The following SPATA13 variants were observed in gnomAD, a reference collection of about 807,000 sequenced individuals.
The protein encoded by SPATA13 is spermatogenesis associated 13.
Under a neutral mutation model 104.0 loss-of-function variants are expected in SPATA13, and 50 were observed. The ratio of observed to expected loss-of-function variants is 0.48; its 90% CI spans 0.38 to 0.61. The LOEUF (loss-of-function observed/expected upper bound fraction) is 0.61, where lower values mean the gene tolerates loss of function less well. Ranked by LOEUF, SPATA13 falls within the 20% of genes least tolerant of loss-of-function variation. The pLI is 0.00. For missense variants in SPATA13, 1,524 were observed against 1,690.6 expected, an observed-to-expected ratio of 0.90 and a Z score of 1.73; for synonymous variants, 606 against 667.5, an observed-to-expected ratio of 0.91 and a Z score of 1.42.
chr13:24,046,771 C>A (rs1186628468), intron 3 of SPATA13, among the ~76,000 whole-genome samples: 9 of 151,934 alleles, frequency 5.9e-5, no homozygotes, highest in African/African-American at 9.7e-5. Flanking sequence ...TAAACATACA[C>A]CCATTTCTAT....
At chr13:24,129,786 A>G (rs925579109) in intron 3 of SPATA13, among the ~76,000 whole-genome samples, 1 of 152,238 alleles carries the variant, frequency 6.6e-6, no homozygotes, top group Non-Finnish European at 1.5e-5. Context: ...CATGTGGCCA[A>G]AGCCTGCCTC....
chr13:24,217,377 C>T (rs1187678655), intron 1 of SPATA13, among the ~76,000 whole-genome samples: 1 of 152,172 alleles, frequency 6.6e-6, no homozygotes, highest in Non-Finnish European at 1.5e-5. Context: ...CTACAAAGCA[C>T]AGGTCTGCTC....
intron 3 of SPATA13, among the ~76,000 whole-genome samples, chr13:24,082,375 A>G (rs558301605): frequency 1.3e-5 from 2 of 152,336 alleles, no homozygotes; most frequent in East Asian, 3.9e-4. Context: ...TTAAAACAGC[A>G]TAACTAGCTG....
chr13:24,010,257 A>G (rs182069235), intron 2 of SPATA13, among the ~76,000 whole-genome samples: 2 of 152,322 alleles, frequency 1.3e-5, no homozygotes, highest in East Asian at 3.9e-4. Context: ...GCATTTTTAT[A>G]TAAACAGTGG....
intron 11 of SPATA13, 85 bp downstream of exon 11, chr13:24,297,820 C>T: frequency 6.8e-7 from 1 of 1,468,102 alleles, no homozygotes; most frequent in Non-Finnish European, 9.1e-7. Flanking sequence ...CTGCTCTGCC[C>T]AGCCTTCTCC....
intron 2 of SPATA13, among the ~76,000 whole-genome samples, chr13:23,985,976 C>T (rs1223862735): frequency 2.0e-5 from 3 of 152,206 alleles, no homozygotes; most frequent in South Asian, 2.1e-4. Context: ...TCTCCTCACC[C>T]GCGGACCTCA....
chr13:24,121,765 G>A (rs7994320), intron 3 of SPATA13, among the ~76,000 whole-genome samples: 2 of 151,850 alleles, frequency 1.3e-5, no homozygotes, highest in East Asian at 1.9e-4. Context: ...ACATCCCCTC[G>A]TGTTTCAGAT....
intron 4 of SPATA13, among the ~76,000 whole-genome samples, chr13:24,263,552 A>G (rs1874159501): frequency 6.6e-6 from 1 of 152,254 alleles, no homozygotes. Flanking sequence ...ATAATTGCAT[A>G]TAACCCATGC....
intron 3 of SPATA13, among the ~76,000 whole-genome samples, chr13:24,151,869 A>G (rs989816764): frequency 1.3e-5 from 2 of 152,248 alleles, no homozygotes; most frequent in African/African-American, 2.4e-5. Context: ...TAACAGTACT[A>G]AGCAGTATAG....
At chr13:24,116,217 T>C (rs1880831788) in intron 3 of SPATA13, among the ~76,000 whole-genome samples, 2 of 152,266 alleles carry the variant, frequency 1.3e-5, no homozygotes, top group Admixed American at 6.5e-5. Context: ...GCTAAGCTCC[T>C]GCTTTTCATG....
intron 11 of SPATA13, among the ~76,000 whole-genome samples, chr13:24,298,316 C>G (rs777739737): frequency 3.3e-5 from 5 of 152,238 alleles, no homozygotes; most frequent in Non-Finnish European, 7.3e-5. Context: ...GCAGCCTGCC[C>G]TCATGCTTCC....
At chr13:24,284,370 A>G (rs1421324861) in intron 5 of SPATA13, 99 bp downstream of exon 5, 8 of 1,312,282 alleles carry the variant, frequency 6.1e-6, no homozygotes, top group South Asian at 4.6e-5. Flanking sequence ...TTTACTAAGC[A>G]TGTCCGAAAA....
In SPATA13 at chr13:24,096,718, G is replaced by C. The variant is rs183982357; in HGVS notation, c.-112+79017G>C. Among the ~76,000 whole-genome samples the C allele has an allele frequency of 2.7e-3, 409 of 152,262 alleles. 2 individuals are homozygous for C. The highest frequency in any genetic ancestry group is 4.6e-3 in the Non-Finnish European group (314 of 68,022). On this transcript the variant is annotated intron_variant, in intron 3 of 14. Coordinates refer to the SPATA13 transcript ENST00000424834. ...GAGGGGGAGTCACCTAAGAACAGAG[G>C]GGGGACTGGAAAAGAGCATCCCAAG...
At position 24,289,928 on chromosome 13, in the gene SPATA13, G is replaced by A. The variant is rs555505536; in HGVS notation, c.2848-724G>A. On this transcript the variant is annotated intron_variant, in intron 8 of 12. Coordinates refer to ENST00000382108, the MANE Select transcript of SPATA13 (RefSeq NM_001166271.3). ...TAGCTGTCTAGAGTCCTCTGGGGCA[G>A]ATAGATTTTAAGTGGCTGGGCATAA... Among the ~76,000 whole-genome samples, 448 of 152,316 alleles carry A rather than the reference G, an allele frequency of 2.9e-3. 1 individual carries two copies. Among genetic ancestry groups the A allele is most frequent in the Non-Finnish European group, 4.7e-3 (321 of 68,030 alleles).
chr13:24,259,443 A>G (rs981279318), intron 4 of SPATA13, among the ~76,000 whole-genome samples: 3 of 152,204 alleles, frequency 2.0e-5, no homozygotes, highest in African/African-American at 7.2e-5. Flanking sequence ...AAAACGTACC[A>G]AGACATTTTC....
chr13:24,191,134 T>A (rs2265617), intron 1 of SPATA13, among the ~76,000 whole-genome samples: 81,020 of 151,598 alleles, frequency 0.53, 23,060 homozygotes, highest in African/African-American at 0.72. Flanking sequence ...TTAATTAAAT[T>A]AATTAATTAT....
chr13:24,289,525 A>G (rs1593504606), intron 8 of SPATA13, among the ~76,000 whole-genome samples: 1 of 152,244 alleles, frequency 6.6e-6, no homozygotes, highest in East Asian at 1.9e-4. Context: ...CATTTCAGGC[A>G]CTGTTTCCAG....
rs376254629 is a variant in SPATA13, at chr13:24,302,760, C to T, written c.3821C>T (p.Pro1274Leu). The T allele has an allele frequency of 6.2e-7, 1 of 1,614,190 alleles. No homozygotes were observed. Among genetic ancestry groups the T allele is most frequent in the Non-Finnish European group, 8.5e-7 (1 of 1,180,048 alleles). ...TGGCACACCTTCAACAGGCTCACCC[C>T]CTTCCGGAAATGAAAACAGGAGGCT... ...LFWHTFNRLT[P>L]FRK Residue 1274 changes from proline (P) to leucine (L), a missense_variant, in exon 13 of 13, where the codon CCC (proline) becomes CTC (leucine). Physicochemically the swap from Pro to Leu is moderately conservative, Grantham distance 98 (BLOSUM62 -3). Around this residue, in one of 2 missense-constraint regions of SPATA13, gnomAD observed 435 missense variants for 554.8 expected, o/e 0.78. Transcript: ENST00000382108.
chr13:24,044,248 T>G (rs1333649931), intron 3 of SPATA13, among the ~76,000 whole-genome samples: 1 of 149,762 alleles, frequency 6.7e-6, no homozygotes, highest in African/African-American at 2.4e-5. Flanking sequence ...TTTTTTTTTT[T>G]TTTGAGACGT....
Sources: allele counts gnomAD v4.1 joint callset (sites outside exome capture counted in the v4.1 genomes callset), GRCh38; gene constraint gnomAD v4.1.1; regional missense constraint gnomAD v4.1.1; transcripts MANE v1.5; gene names NCBI Gene and HGNC (gene_info 2026-07-23, HGNC 2026-07-21).